MFAP1: variants seen among roughly 807,000 people sequenced by gnomAD.
The protein encoded by MFAP1 is microfibrillar-associated protein 1.
A neutral mutation model predicts 62.2 loss-of-function variants in MFAP1; 18 were observed. The observed-to-expected ratio is 0.29, with a 90% CI of 0.20 to 0.43. MFAP1 has a LOEUF of 0.43. MFAP1 is among the 20% of genes least tolerant of loss of function. MFAP1 has a pLI of 1.00. For synonymous variants in MFAP1, 175 were observed against 180.4 expected (o/e 0.97, Z 0.24); for missense variants, 355 against 559.7 (o/e 0.63, Z 3.69).
intron 7 of MFAP1, among the ~76,000 whole-genome samples, chr15:43,808,930 AG>A (rs1473019634): frequency 5.3e-5 from 8 of 152,264 alleles, no homozygotes; most frequent in Non-Finnish European, 1.0e-4. Flanking sequence ...TGAAAAACAA[AG>A]ATGACGGCAT....
intron 7 of MFAP1, among the ~76,000 whole-genome samples, chr15:43,808,246 C>A (rs1781435535): frequency 6.6e-6 from 1 of 152,236 alleles, no homozygotes. Context: ...TGGTCAGCCA[C>A]CCAGGCTGCA....
Position 43,805,287 on chromosome 15 carries a change from G to A in MFAP1, c.1138-11C>T. 1 of 1,595,188 alleles carries A rather than the reference G, an allele frequency of 6.3e-7. No individual in the cohort carries two copies. The highest frequency in any genetic ancestry group is 8.6e-7 in the Non-Finnish European group (1 of 1,166,662). On this transcript the variant is annotated splice_polypyrimidine_tract_variant and intron_variant, in intron 8 of 8. Transcript: ENST00000267812. ...TCCAAAGTTCTTGACCTGAGGGAAG[G>A]ATGGATGATGAGTTATACCACCAAA...
intron 1 of MFAP1, among the ~76,000 whole-genome samples, 185 bp downstream of exon 1, chr15:43,824,306 G>T (rs2087485252): frequency 6.6e-6 from 1 of 152,022 alleles, no homozygotes; most frequent in African/African-American, 2.4e-5. Flanking sequence ...GGTGCTTGCT[G>T]AATACGAGAG....
At chr15:43,810,173 T>C (rs2087390253) in intron 6 of MFAP1, 2 of 347,800 alleles carry the variant, frequency 5.8e-6, no homozygotes, top group Admixed American at 4.4e-5. Flanking sequence ...TACTGCTGGG[T>C]TTTCCAACAT....
intron 1 of MFAP1, among the ~76,000 whole-genome samples, chr15:43,821,178 T>A (rs947072386): frequency 6.6e-6 from 1 of 152,170 alleles, no homozygotes; most frequent in Non-Finnish European, 1.5e-5. Flanking sequence ...TATAAGATAC[T>A]GTGGAATAAA....
intron 7 of MFAP1, among the ~76,000 whole-genome samples, chr15:43,807,661 C>A (rs1331579208): frequency 2.0e-5 from 3 of 151,884 alleles, no homozygotes; most frequent in Admixed American, 1.3e-4. Flanking sequence ...AATTATACAT[C>A]TTAAATGCTT....
chr15:43,813,151 G>C lies in MFAP1; in HGVS notation c.727-4C>G. The C allele has an allele frequency of 1.2e-6, 2 of 1,614,012 alleles. No individual in the cohort carries two copies. The highest frequency in any genetic ancestry group is 1.7e-6 in the Non-Finnish European group (2 of 1,180,010). The stretch of plus-strand genomic sequence containing the variant: ...TTTTGGTTTCCTCTTCGACAATCTG[G>C]ATAGGGAGAACAATTCAGCTTGGAC... On this transcript the variant is annotated splice_polypyrimidine_tract_variant and splice_region_variant and intron_variant, in intron 5 of 8. Transcript: ENST00000267812.
Position 43,814,485 on chromosome 15 carries a change from C to T in MFAP1, c.617+16G>A. ...GGTAATTAAGTGGATTCAGATCTGG[C>T]TTGTGAGATACTTACTTTCGAATGA... On this transcript the variant is annotated intron_variant, in intron 4 of 8. Transcript: ENST00000267812. 1.3e-6 allele frequency: 2 copies of T among 1,597,380 alleles called. No homozygotes were observed. Among genetic ancestry groups the T allele is most frequent in the Non-Finnish European group, 1.7e-6 (2 of 1,170,378 alleles).
At chr15:43,810,606 A>T (rs924359290) in intron 6 of MFAP1, among the ~76,000 whole-genome samples, 1 of 152,062 alleles carries the variant, frequency 6.6e-6, no homozygotes, top group African/African-American at 2.4e-5. Context: ...TGACCTCGTG[A>T]TCCGCCCGCC....
chr15:43,815,561 G>T (rs2087429250), intron 2 of MFAP1, among the ~76,000 whole-genome samples: 1 of 152,052 alleles, frequency 6.6e-6, no homozygotes, highest in Non-Finnish European at 1.5e-5. Flanking sequence ...GTCAAGTTGG[G>T]CCTGAAATAC....
At chr15:43,813,227 C>A in intron 5 of MFAP1, 22 bp downstream of exon 5, 1 of 1,614,106 alleles carries the variant, frequency 6.2e-7, no homozygotes, top group South Asian at 1.1e-5. Context: ...TGTACTCATT[C>A]CTTGCAACCA....
At chr15:43,823,268 A>G (rs2930530) in intron 1 of MFAP1, among the ~76,000 whole-genome samples, 120,602 of 152,078 alleles carry the variant, frequency 0.79, 48,435 homozygotes, top group East Asian at 1. Flanking sequence ...TTACAGGTGT[A>G]AGCCACTGTG....
chr15:43,806,718 C>A (rs1243274075), intron 7 of MFAP1, among the ~76,000 whole-genome samples: 1 of 152,030 alleles, frequency 6.6e-6, no homozygotes, highest in Admixed American at 6.6e-5. Context: ...ACTAAAAATA[C>A]AAAAAACACT....
intron 1 of MFAP1, among the ~76,000 whole-genome samples, chr15:43,823,586 C>T (rs545920723): frequency 2.3e-4 from 35 of 151,200 alleles, no homozygotes; most frequent in African/African-American, 8.0e-4. Context: ...CCATGATCGC[C>T]AGGCTGTCTT....
chr15:43,806,450 T>C (rs979119279), intron 7 of MFAP1, among the ~76,000 whole-genome samples: 1 of 152,224 alleles, frequency 6.6e-6, no homozygotes, highest in African/African-American at 2.4e-5. Context: ...TCTTACAAAC[T>C]CTTACCACCT....
At chr15:43,811,415 CAAA>C (rs573152892) in intron 6 of MFAP1, among the ~76,000 whole-genome samples, 3 of 73,764 alleles carry the variant, frequency 4.1e-5, no homozygotes, top group African/African-American at 4.5e-5. Context: ...GACTGTGTCT[CAAA>C]AAAAAAAAAA....
intron 1 of MFAP1, among the ~76,000 whole-genome samples, chr15:43,821,134 A>T (rs1284279941): frequency 6.6e-6 from 1 of 152,130 alleles, no homozygotes; most frequent in South Asian, 2.1e-4. Context: ...AAGAAAATAT[A>T]GTTTTAAAAT....
rs985319726 is a variant in MFAP1, at chr15:43,824,538, G to A, written c.32C>T (p.Pro11Leu). 6.2e-7 allele frequency: 1 copy of A among 1,614,014 alleles called. No individual in the cohort carries two copies. The highest frequency in any genetic ancestry group is 1.3e-5 in the African/African-American group (1 of 74,890). Reference sequence around the variant, plus strand: ...GGCCCCAGCCGTAGACTGAATGGGCGGTTGCTTCATGAGAGCGCTTGGGAC... The same window carrying A: ...GGCCCCAGCCGTAGACTGAATGGGCAGTTGCTTCATGAGAGCGCTTGGGAC... Reference protein sequence around the residue: MSVPSALMKQPPIQSTAGAVP... With the variant: MSVPSALMKQLPIQSTAGAVP... Residue 11 changes from proline to leucine, a missense_variant, in exon 1 of 9, where the codon CCG (proline) becomes CTG (leucine). By Grantham distance (98) the Pro-to-Leu change is moderately conservative (BLOSUM62 -3). This residue lies in a region of MFAP1 where 29 missense variants were observed against 46.0 expected (regional missense o/e 0.63). Transcript: ENST00000267812.
chr15:43,810,495 T>C (rs1389550016), intron 6 of MFAP1, among the ~76,000 whole-genome samples: 1 of 151,822 alleles, frequency 6.6e-6, no homozygotes, highest in Non-Finnish European at 1.5e-5. Context: ...GCCTCCCGAT[T>C]AGCTGGGACT....
Sources: allele counts gnomAD v4.1 joint callset (sites outside exome capture counted in the v4.1 genomes callset), GRCh38; gene constraint gnomAD v4.1.1; regional missense constraint gnomAD v4.1.1; transcripts MANE v1.5; gene names NCBI Gene and HGNC (gene_info 2026-07-23, HGNC 2026-07-21).